WWC1: variants seen among roughly 807,000 people sequenced by gnomAD.
WWC1 encodes protein KIBRA.
WWC1 carries 55 observed loss-of-function variants against 138.4 expected under a neutral mutation model. The ratio of observed to expected loss-of-function variants is 0.40; its 90% CI spans 0.32 to 0.50. WWC1 has a LOEUF of 0.50. WWC1 is among the 20% of genes least tolerant of loss of function. The pLI is 0.72. For synonymous variants in WWC1, 524 were observed against 564.9 expected, an observed-to-expected ratio of 0.93 and a Z score of 1.03; for missense variants, 1,226 against 1,420.4, an observed-to-expected ratio of 0.86 and a Z score of 2.20.
At chr5:168,386,399 T>A (rs1778050428) in intron 3 of WWC1, among the ~76,000 whole-genome samples, 1 of 151,660 alleles carries the variant, frequency 6.6e-6, no homozygotes, top group Non-Finnish European at 1.5e-5. Context: ...TTCTTTTTCT[T>A]TTTTTTCTTT....
intron 1 of WWC1, among the ~76,000 whole-genome samples, chr5:168,306,323 G>A (rs1770562271): frequency 1.3e-5 from 2 of 152,210 alleles, no homozygotes; most frequent in South Asian, 4.1e-4. Flanking sequence ...TTGAACCCAG[G>A]AGGCAGAGGT....
chr5:168,416,929 A>G (rs1282177831), intron 9 of WWC1, among the ~76,000 whole-genome samples: 2 of 152,128 alleles, frequency 1.3e-5, no homozygotes, highest in African/African-American at 4.8e-5. Context: ...GTGCAGTGGC[A>G]CGATCTCGGC....
intron 15 of WWC1, among the ~76,000 whole-genome samples, chr5:168,441,440 A>T (rs1302200178): frequency 2.0e-5 from 3 of 152,178 alleles, no homozygotes; most frequent in African/African-American, 7.2e-5. Flanking sequence ...TTTTTTAATT[A>T]AAAAAATTCA....
intron 1 of WWC1, among the ~76,000 whole-genome samples, chr5:168,364,657 A>C (rs1776150016): frequency 6.6e-6 from 1 of 152,096 alleles, no homozygotes; most frequent in African/African-American, 2.4e-5. Context: ...TGGTGGATTG[A>C]TTGAAATGAG....
intron 1 of WWC1, among the ~76,000 whole-genome samples, chr5:168,359,976 A>G (rs1202640850): frequency 6.6e-6 from 1 of 152,206 alleles, no homozygotes; most frequent in Non-Finnish European, 1.5e-5. Context: ...AATGTTGCTA[A>G]ACAGGTCTGT....
chr5:168,341,393 T>C (rs1774023849), intron 1 of WWC1, among the ~76,000 whole-genome samples: 1 of 152,112 alleles, frequency 6.6e-6, no homozygotes, highest in Non-Finnish European at 1.5e-5. Flanking sequence ...AAGCATTTAC[T>C]CATCTATTAC....
chr5:168,356,964 G>C (rs2152795833), intron 1 of WWC1, among the ~76,000 whole-genome samples: 1 of 152,250 alleles, frequency 6.6e-6, no homozygotes, highest in Admixed American at 6.5e-5. Flanking sequence ...GTCTCTGAGT[G>C]TCATCTGTAA....
intron 1 of WWC1, among the ~76,000 whole-genome samples, chr5:168,298,768 T>A (rs377254582): frequency 2.6e-5 from 4 of 152,126 alleles, no homozygotes; most frequent in East Asian, 3.9e-4. Context: ...GTACTTCAGA[T>A]GAGGGAACTG....
chr5:168,458,010 G>T (rs1349193115), intron 19 of WWC1, among the ~76,000 whole-genome samples: 1 of 152,198 alleles, frequency 6.6e-6, no homozygotes, highest in Non-Finnish European at 1.5e-5. Context: ...TCCTGTGCCT[G>T]CCTCTAGCTG....
Position 168,414,474 on chromosome 5 carries a change from C to T in WWC1, c.1068C>T (p.Phe356=), listed in dbSNP as rs770982007. The change falls in exon 9 of 23, where the codon TTC becomes TTT. Residue 356 remains phenylalanine, a synonymous_variant. Transcript: ENST00000265293. The part of the protein sequence containing the change: ...EKEELLKEMR[F]ISPRKWTQGE... ...AGGAGCTGCTGAAGGAGATGCGCTT[C>T]ATCAGCCCCCGCAAGTGGACCCAGG... The T allele has an allele frequency of 1.3e-6, 2 of 1,565,858 alleles. No homozygotes were observed. The highest frequency in any genetic ancestry group is 1.7e-6 in the Non-Finnish European group (2 of 1,154,566).
chr5:168,456,699 T>A (rs1386673816), intron 19 of WWC1, among the ~76,000 whole-genome samples: 25 of 7,018 alleles, frequency 3.6e-3, no homozygotes, highest in African/African-American at 0.034. Flanking sequence ...GCTCCGCCAA[T>A]TTTTTTTTTT....
chr5:168,389,681 C>CT (rs1417653769), intron 3 of WWC1, among the ~76,000 whole-genome samples: 2 of 144,838 alleles, frequency 1.4e-5, no homozygotes, highest in Non-Finnish European at 3.0e-5. Context: ...GATTAAGAGT[C>CT]TCATTCTCTA....
At chr5:168,375,554 C>CT (rs770999769) in intron 2 of WWC1, among the ~76,000 whole-genome samples, 37 of 151,232 alleles carry the variant, frequency 2.4e-4, no homozygotes, top group East Asian at 9.7e-4. Flanking sequence ...ACAACTCTTT[C>CT]TTTTTTTTTG....
intron 15 of WWC1, among the ~76,000 whole-genome samples, chr5:168,439,782 A>G (rs1476734493): frequency 1.3e-5 from 2 of 152,196 alleles, no homozygotes; most frequent in Non-Finnish European, 2.9e-5. Context: ...GGTAAAATGC[A>G]TTTATATTTT....
intron 15 of WWC1, among the ~76,000 whole-genome samples, chr5:168,434,590 A>T (rs1222157837): frequency 6.6e-6 from 1 of 152,214 alleles, no homozygotes; most frequent in Non-Finnish European, 1.5e-5. Context: ...AGGTCATCCA[A>T]GGAGAAAATG....
chr5:168,339,969 G>GTCTCTCTT (rs1291848659), intron 1 of WWC1, among the ~76,000 whole-genome samples: 1 of 92,718 alleles, frequency 1.1e-5, no homozygotes, highest in Non-Finnish European at 2.1e-5. Context: ...CTCTCTCTCT[G>GTCTCTCTT]TCTCTCTTTC....
At chr5:168,467,756 C>T (rs191258795) in intron 21 of WWC1, 84 bp from the exon 22 acceptor site, 2 of 1,584,720 alleles carry the variant, frequency 1.3e-6, no homozygotes, top group African/African-American at 1.3e-5. Flanking sequence ...CCTACAGTAG[C>T]CCCCTCTGTT....
rs781182599 is a variant in WWC1, at chr5:168,292,173, C to G, written c.21C>G (p.Pro7=). 2.6e-6 allele frequency: 4 copies of G among 1,546,884 alleles called. No homozygotes were observed. Among genetic ancestry groups the G allele is most frequent in the Non-Finnish European group, 3.5e-6 (4 of 1,145,680 alleles). MPRPEL[P]LPEGWEEARD... ...GGAAGATGCCCCGGCCGGAGCTGCCCCTGCCGGAGGGCTGGGAGGAGGCGC... is the reference window on the plus strand; with the variant it reads ...GGAAGATGCCCCGGCCGGAGCTGCCGCTGCCGGAGGGCTGGGAGGAGGCGC... The change falls in exon 1 of 23, where the codon CCC becomes CCG. Residue 7 remains proline, a synonymous_variant. Coordinates refer to ENST00000265293, the MANE Select transcript of WWC1 (RefSeq NM_015238.3). The surrounding 1 kb of genome is among the most constrained non-coding windows in gnomAD (Gnocchi z 4.4).
intron 1 of WWC1, among the ~76,000 whole-genome samples, chr5:168,357,493 T>TGTGCGC (rs1353607261): frequency 2.7e-4 from 32 of 119,832 alleles, no homozygotes; most frequent in African/African-American, 1.3e-3. Context: ...TGTGTGTGTG[T>TGTGCGC]GCGCGCGCGC....
Sources: gnomAD v4.1 joint callset for allele counts (sites outside exome capture counted in the v4.1 genomes callset) on GRCh38, gnomAD v4.1.1 for gene constraint, Gnocchi (gnomAD v3.1) non-coding constraint, MANE v1.5 for transcripts, NCBI Gene and HGNC (gene_info 2026-07-23, HGNC 2026-07-21) for gene names.